The following STK32B variants were observed in gnomAD, a reference collection of about 807,000 sequenced individuals.
STK32B encodes the protein serine/threonine kinase 32B, also known as serine/threonine-protein kinase 32B.
STK32B carries 43 observed loss-of-function variants against 52.6 expected under a neutral mutation model. The ratio of observed to expected loss-of-function variants is 0.82; its 90% CI spans 0.64 to 1.05. The LOEUF (loss-of-function observed/expected upper bound fraction) is 1.05. Among genes scored for constraint, STK32B ranks in the 50% least tolerant of loss-of-function variants. The pLI is 0.00. For missense variants in STK32B, 621 were observed against 534.6 expected (o/e 1.16, Z -1.59); for synonymous variants, 238 against 204.3 (o/e 1.17, Z -1.41).
chr4:5,168,968 TGTGCATCCTAGA>T (rs1430220527), intron 3 of STK32B, among the ~76,000 whole-genome samples: 9 of 152,322 alleles, frequency 5.9e-5, no homozygotes, highest in Admixed American at 5.9e-4. Flanking sequence ...TCACTTTAAA[TGTGCATCCTAGA>T]AACACATCCT....
intron 3 of STK32B, among the ~76,000 whole-genome samples, chr4:5,197,471 ACT>A (rs1721775628): frequency 1.3e-5 from 2 of 151,786 alleles, no homozygotes; most frequent in Non-Finnish European, 2.9e-5. Flanking sequence ...GTTCCTCATC[ACT>A]CTGTATCAGT....
intron 3 of STK32B, among the ~76,000 whole-genome samples, chr4:5,324,963 A>G (rs1401257075): frequency 6.6e-6 from 1 of 152,162 alleles, no homozygotes; most frequent in African/African-American, 2.4e-5. Flanking sequence ...GGAGAAGCCT[A>G]CTGAGTACTT....
At chr4:5,219,059 G>T (rs1723359932) in intron 3 of STK32B, among the ~76,000 whole-genome samples, 1 of 152,230 alleles carries the variant, frequency 6.6e-6, no homozygotes, top group African/African-American at 2.4e-5. Flanking sequence ...CATTGATGGT[G>T]GACCTCACTG....
chr4:5,264,196 G>A (rs1217552411), intron 3 of STK32B, among the ~76,000 whole-genome samples: 1 of 152,108 alleles, frequency 6.6e-6, no homozygotes. Context: ...AATTGTTTGG[G>A]TATAGAGTAA....
At chr4:5,082,292 A>C (rs574575238) in intron 1 of STK32B, among the ~76,000 whole-genome samples, 1 of 152,174 alleles carries the variant, frequency 6.6e-6, no homozygotes, top group Non-Finnish European at 1.5e-5. Flanking sequence ...ACATGTGCTC[A>C]TGAGTCTTCT....
intron 3 of STK32B, among the ~76,000 whole-genome samples, chr4:5,318,387 G>T (rs911368110): frequency 1.3e-5 from 2 of 151,948 alleles, no homozygotes; most frequent in African/African-American, 4.8e-5. Context: ...GCAGGGAAAA[G>T]AACTGTAGGC....
intron 3 of STK32B, among the ~76,000 whole-genome samples, chr4:5,213,382 A>G (rs1723012423): frequency 6.6e-6 from 1 of 152,224 alleles, no homozygotes; most frequent in African/African-American, 2.4e-5. Flanking sequence ...AAGTCAGGCC[A>G]TGCCCCACTT....
In STK32B at chr4:5,331,345, A is replaced by C. The variant is rs1732237104; in HGVS notation, c.386A>C (p.Glu129Ala). The C allele has an allele frequency of 6.2e-7, 1 of 1,613,726 alleles. No homozygotes were observed. Among genetic ancestry groups the C allele is most frequent in the African/African-American group, 1.3e-5 (1 of 74,888 alleles). ...TEGTVKLYIC[E>A]LALALEYLQR... is the part of the protein sequence containing the mutation. Reference sequence around the variant, plus strand: ...GGGACTGTGAAACTCTACATCTGTGAGCTGGCACTGGCCCTGGAGTATCTT... The same window carrying C: ...GGGACTGTGAAACTCTACATCTGTGCGCTGGCACTGGCCCTGGAGTATCTT... The change falls in exon 4 of 12, where the codon GAG becomes GCG. Residue 129 changes from glutamate (E) to alanine (A), a missense_variant. Transcript: ENST00000282908.
At chr4:5,338,181 C>G (rs115017643) in intron 4 of STK32B, among the ~76,000 whole-genome samples, 2,681 of 152,190 alleles carry the variant, frequency 0.018, 38 homozygotes, top group Non-Finnish European at 0.024. Flanking sequence ...ACAAAACTTG[C>G]AAAACTATTG....
Position 5,460,817 on chromosome 4 carries a change from A to C in STK32B, c.909+589A>C, listed in dbSNP as rs1716970625. Among the ~76,000 whole-genome samples the C allele has an allele frequency of 6.6e-6, 1 of 152,190 alleles. No homozygotes were observed. The highest frequency in any genetic ancestry group is 1.5e-5 in the Non-Finnish European group (1 of 68,038). On this transcript the variant is annotated intron_variant, in intron 9 of 11. Coordinates refer to ENST00000282908, the MANE Select transcript of STK32B (RefSeq NM_018401.3). The surrounding 1 kb of genome is among the most constrained non-coding windows in gnomAD (Gnocchi z 4.8). ...CAATTTTATAGCATTTAAGGGAATA[A>C]ACCAGAGGGAATATAATAGGAAATG...
chr4:5,315,775 G>C (rs1730634187), intron 3 of STK32B, among the ~76,000 whole-genome samples: 1 of 150,438 alleles, frequency 6.6e-6, no homozygotes, highest in South Asian at 2.1e-4. Context: ...TGCAATCTCA[G>C]CTCACTGCAA....
At chr4:5,293,315 T>C (rs1729001545) in intron 3 of STK32B, among the ~76,000 whole-genome samples, 2 of 152,042 alleles carry the variant, frequency 1.3e-5, no homozygotes, top group Non-Finnish European at 2.9e-5. Context: ...AGTAATGACA[T>C]TACTGGGTCA....
chr4:5,131,518 C>T (rs183014507), intron 1 of STK32B, among the ~76,000 whole-genome samples: 2 of 152,176 alleles, frequency 1.3e-5, no homozygotes, highest in Admixed American at 1.3e-4. Context: ...AGAGCCCTTA[C>T]CCCAGCCTGT....
At chr4:5,449,009 A>G (rs1323002327) in intron 7 of STK32B, among the ~76,000 whole-genome samples, 1 of 152,122 alleles carries the variant, frequency 6.6e-6, no homozygotes, top group African/African-American at 2.4e-5. Flanking sequence ...ATCCTTGGGT[A>G]GGATCCAGGG....
At chr4:5,374,963 C>T (rs1735491295) in intron 4 of STK32B, among the ~76,000 whole-genome samples, 1 of 152,146 alleles carries the variant, frequency 6.6e-6, no homozygotes, top group African/African-American at 2.4e-5. Flanking sequence ...TACTAGAGTC[C>T]AATTGAGACT....
rs1577428120 is a variant in STK32B, at chr4:5,386,409, A to T, written c.435-11798A>T. ...AGGGAGGGGGAGTGGGAACCATGGT[A>T]GAAGCAGGAAAAGGTAATTCTTGAT... On this transcript the variant is annotated intron_variant, in intron 4 of 11. Coordinates refer to ENST00000282908, the MANE Select transcript of STK32B (RefSeq NM_018401.3). This position sits in a 1 kb window ranked among gnomAD's most constrained non-coding sequence, Gnocchi z 4.5. 2.0e-5 allele frequency among the ~76,000 whole-genome samples: 3 copies of T among 152,216 alleles called. No individual in the cohort carries two copies. The South Asian group carries it at 6.2e-4, about 32-fold the overall frequency.
chr4:5,074,406 T>C (rs1711961513), intron 1 of STK32B, among the ~76,000 whole-genome samples: 1 of 152,072 alleles, frequency 6.6e-6, no homozygotes, highest in Non-Finnish European at 1.5e-5. Context: ...CTGCTGAAAT[T>C]CCTCATGCCT....
At chr4:5,485,522 A>G (rs574888393) in intron 11 of STK32B, among the ~76,000 whole-genome samples, 2 of 152,040 alleles carry the variant, frequency 1.3e-5, no homozygotes, top group African/African-American at 2.4e-5. Flanking sequence ...CTTCTTTGCC[A>G]TGGGCTCAAA....
the STK32B span, among the ~76,000 whole-genome samples, chr4:5,035,727 G>A: frequency 6.6e-6 from 1 of 152,020 alleles, no homozygotes; most frequent in African/African-American, 2.4e-5. Context: ...TGTATTCAAA[G>A]TCTGTACAAT....
Sources: gnomAD v4.1 joint callset for allele counts (sites outside exome capture counted in the v4.1 genomes callset) on GRCh38, gnomAD v4.1.1 for gene constraint, Gnocchi (gnomAD v3.1) non-coding constraint, MANE v1.5 for transcripts, NCBI Gene and HGNC (gene_info 2026-07-23, HGNC 2026-07-21) for gene names.